Variants in GPR61 observed in about 807,000 individuals in gnomAD.
The protein encoded by GPR61 is G-protein coupled receptor 61.
A neutral mutation model predicts 29.2 loss-of-function variants in GPR61; 15 were observed. The observed-to-expected ratio is 0.51, with a 90% CI of 0.34 to 0.79. The LOEUF (loss-of-function observed/expected upper bound fraction) is 0.79, where lower values mean the gene tolerates loss of function less well. GPR61 is among the 30% of genes least tolerant of loss of function. The pLI, the probability that GPR61 is intolerant of heterozygous loss-of-function variation, is 0.01. For synonymous variants in GPR61, 238 were observed against 242.3 expected (o/e 0.98, Z 0.17); for missense variants, 399 against 582.5 (o/e 0.69, Z 3.24).
Position 109,545,237 on chromosome 1 carries a change from T to A in GPR61, c.*859T>A, listed in dbSNP as rs1459572263. Reference sequence around the variant, plus strand: ...GCGAGGGTGGAGGTTAGCATTTGAATTGGTAAAGTAGCTGGAAACAGAGAG... The same window carrying A: ...GCGAGGGTGGAGGTTAGCATTTGAAATGGTAAAGTAGCTGGAAACAGAGAG... On this transcript the variant is annotated 3_prime_UTR_variant, in exon 2 of 2. Transcript: ENST00000527748. The A allele has an allele frequency of 6.6e-6, 1 of 152,152 alleles. No homozygotes were observed. Among genetic ancestry groups the A allele is most frequent in the Non-Finnish European group, 1.5e-5 (1 of 68,040 alleles). The allele number at this position is 152,152 out of a possible 1,614,324, so 9.4% of individuals were successfully genotyped here. A position where few individuals can be genotyped will look rare whatever the true frequency, so the allele number is the denominator to read the frequency against.
intron 1 of GPR61, 96 bp downstream of exon 1, chr1:109,540,049 C>A (rs961683980): frequency 1.3e-5 from 2 of 152,322 alleles, no homozygotes; most frequent in African/African-American, 4.8e-5. Context: ...TTCCAAGGAC[C>A]AGCCCTGCCT....
chr1:109,542,129 C>A (rs1647660493), intron 1 of GPR61, among the ~76,000 whole-genome samples: 1 of 152,200 alleles, frequency 6.6e-6, no homozygotes, highest in Non-Finnish European at 1.5e-5. Context: ...GCCAGACTGC[C>A]CAGGTAGGTG....
chr1:109,543,792 A>T lies in GPR61; in HGVS notation c.770A>T (p.Glu257Val). ...TWMETPRQRS[E>V]SLSSRSTMVT... ...ATGGAGACACCCCGGCAACGCTCCGAATCTCTCAGCAGCCGCTCCACGATG... is the reference window on the plus strand; with the variant it reads ...ATGGAGACACCCCGGCAACGCTCCGTATCTCTCAGCAGCCGCTCCACGATG... Residue 257 changes from glutamate (E) to valine (V), a missense_variant, in exon 2 of 2, where the codon GAA becomes GTA. Physicochemically the swap from Glu to Val is moderately radical, Grantham distance 121. Around this residue, in one of 3 missense-constraint regions of GPR61, gnomAD observed 320 missense variants for 459.8 expected, o/e 0.70. Coordinates refer to ENST00000527748, the MANE Select transcript of GPR61 (RefSeq NM_001393907.1). This position sits in a 1 kb window ranked among gnomAD's most constrained non-coding sequence, Gnocchi z 6.8. The T allele has an allele frequency of 6.2e-7, 1 of 1,613,444 alleles. No individual in the cohort carries two copies. The highest frequency in any genetic ancestry group is 8.5e-7 in the Non-Finnish European group (1 of 1,180,016).
Position 109,547,143 on chromosome 1 carries a change from A to C in GPR61, c.*2765A>C, listed in dbSNP as rs1647829303. The C allele has an allele frequency of 6.6e-6, 1 of 152,240 alleles. No individual in the cohort carries two copies. Among genetic ancestry groups the C allele is most frequent in the Non-Finnish European group, 1.5e-5 (1 of 68,046 alleles). The allele number at this position is 152,240 out of a possible 1,614,324, so 9.4% of individuals were successfully genotyped here. A position where few individuals can be genotyped will look rare whatever the true frequency, so the allele number is the denominator to read the frequency against. ...CTCTGAGCCTACTTCCTCACCTGTA[A>C]AAATGGGGATCATTATTACCTACCT... On this transcript the variant is annotated 3_prime_UTR_variant, in exon 2 of 2. Coordinates refer to ENST00000527748, the MANE Select transcript of GPR61 (RefSeq NM_001393907.1).
rs965572138 is a variant in GPR61 at position 109,546,819 on chromosome 1, T to G, written c.*2441T>G. The stretch of plus-strand genomic sequence containing the variant: ...CTATGACCACCTTCCAGGAGTTTTC[T>G]AGTCACCAGATGCCTTGGTAAAGTT... On this transcript the variant is annotated 3_prime_UTR_variant, in exon 2 of 2. Coordinates refer to ENST00000527748, the MANE Select transcript of GPR61 (RefSeq NM_001393907.1). 5 of 152,226 alleles carry G rather than the reference T, an allele frequency of 3.3e-5. No individual in the cohort carries two copies. Among genetic ancestry groups the G allele is most frequent in the Non-Finnish European group, 7.3e-5 (5 of 68,034 alleles). 9.4% of individuals were successfully genotyped at this position (152,226 alleles called of 1,614,324 possible).
rs761137232 is a variant in GPR61, at chr1:109,543,313, C to T, written c.291C>T (p.Ala97=). The change falls in exon 2 of 2, where the codon GCC becomes GCT. Residue 97 remains alanine (A), a synonymous_variant. Transcript: ENST00000527748. This position sits in a 1 kb window ranked among gnomAD's most constrained non-coding sequence, Gnocchi z 6.8. ...CTGCCCTGACCCTCATGCCCCTGGC[C>T]ATGCTCTCCAGCTCTGCCCTCTTTG... ...LLAALTLMPL[A]MLSSSALFDH... is the part of the protein sequence containing the mutation. The T allele has an allele frequency of 2.2e-5, 35 of 1,613,898 alleles. No individual in the cohort carries two copies. Among genetic ancestry groups the T allele is most frequent in the Non-Finnish European group, 2.9e-5 (34 of 1,180,022 alleles).
In GPR61 at chr1:109,542,940, G is replaced by A. The variant is rs764600214; in HGVS notation, c.-83G>A. On this transcript the variant is annotated 5_prime_UTR_variant, in exon 2 of 2. Transcript: ENST00000527748. ...CTACGAAACCAGGAAGCCTGGGCCT[G>A]GGCTCGCCATCCCAGGGTCGCTGGA... 5.2e-6 allele frequency: 8 copies of A among 1,541,744 alleles called. No individual in the cohort carries two copies. Among genetic ancestry groups the A allele is most frequent in the Admixed American group, 2.0e-5 (1 of 51,246 alleles).
In GPR61 at chr1:109,544,437, AC is replaced by A. The variant is rs753147680; in HGVS notation, c.*61del. ...GGGGCCAGTTATGATTGCAAGGACC[AC>A]CTTGTGGGATCACCTTTTCCCAGCT... On this transcript the variant is annotated 3_prime_UTR_variant, in exon 2 of 2. Coordinates refer to ENST00000527748, the MANE Select transcript of GPR61 (RefSeq NM_001393907.1). This position sits in a 1 kb window ranked among gnomAD's most constrained non-coding sequence, Gnocchi z 4.6. 2 of 1,278,954 alleles carry A rather than the reference AC, an allele frequency of 1.6e-6. No individual in the cohort carries two copies. The highest frequency in any genetic ancestry group is 2.2e-6 in the Non-Finnish European group (2 of 902,870). The allele number at this position is 1,278,954 out of a possible 1,614,324, so 79.2% of individuals were successfully genotyped here.
In GPR61 at chr1:109,544,575, C is replaced by G. The variant is rs1266795252; in HGVS notation, c.*197C>G. On this transcript the variant is annotated 3_prime_UTR_variant, in exon 2 of 2. Coordinates refer to ENST00000527748, the MANE Select transcript of GPR61 (RefSeq NM_001393907.1). The surrounding 1 kb of genome is among the most constrained non-coding windows in gnomAD (Gnocchi z 4.6). ...CAAAAGCCTTGGACTTGGCTGTGAT[C>G]TTTGACTGCTAGGGGAGGGAACCTG... 7 of 561,172 alleles carry G rather than the reference C, an allele frequency of 1.2e-5. No homozygotes were observed. The highest frequency in any genetic ancestry group is 4.8e-4 in the Middle Eastern group (1 of 2,090). The allele number at this position is 561,172 out of a possible 1,614,324, so 34.8% of individuals were successfully genotyped here. A position where few individuals can be genotyped will look rare whatever the true frequency, so the allele number is the denominator to read the frequency against.
chr1:109,543,938 T>C lies in GPR61; in HGVS notation c.916T>C (p.Phe306Leu), dbSNP rs1647721614. 6.2e-7 allele frequency: 1 copy of C among 1,614,082 alleles called. No individual in the cohort carries two copies. Among genetic ancestry groups the C allele is most frequent in the Non-Finnish European group, 8.5e-7 (1 of 1,180,046 alleles). ...GCTCTGTTGGTTGCCCTACTTCTCT[T>C]TCCACCTCTATGTTGCCCTGAGTGC... ...FLLCWLPYFS[F>L]HLYVALSAQP... The change falls in exon 2 of 2, where the codon TTC becomes CTC. Residue 306 changes from phenylalanine to leucine, a missense_variant. This residue lies in a region of GPR61 where 320 missense variants were observed against 459.8 expected (regional missense o/e 0.70). Transcript: ENST00000527748. This position sits in a 1 kb window ranked among gnomAD's most constrained non-coding sequence, Gnocchi z 6.8.
rs781711769 is a variant in GPR61 at position 109,543,592 on chromosome 1, T to C, written c.570T>C (p.Ser190=). The C allele has an allele frequency of 4.6e-5, 74 of 1,614,014 alleles. No homozygotes were observed. Among genetic ancestry groups the C allele is most frequent in the Non-Finnish European group, 6.1e-5 (72 of 1,180,018 alleles). ...GRVSWEEGAP[S]VPPGCSLQWS... The stretch of plus-strand genomic sequence containing the variant: ...TCTCCTGGGAGGAAGGAGCTCCCAG[T>C]GTCCCCCCAGGCTGTTCACTCCAGT... Residue 190 remains serine (S), a synonymous_variant, in exon 2 of 2, where the codon AGT becomes AGC. Transcript: ENST00000527748. The surrounding 1 kb of genome is among the most constrained non-coding windows in gnomAD (Gnocchi z 6.8).
intron 1 of GPR61, among the ~76,000 whole-genome samples, chr1:109,541,401 T>C (rs377455813): frequency 1.3e-5 from 2 of 152,360 alleles, no homozygotes; most frequent in East Asian, 1.9e-4. Flanking sequence ...AATTTGAGTT[T>C]GATTCAATTC....
rs41279738 is a variant in GPR61 at position 109,539,929 on chromosome 1, T to A, written c.-626T>A. On this transcript the variant is annotated 5_prime_UTR_variant, in exon 1 of 2. It removes an upstream start codon present in the reference 5' UTR. Transcript: ENST00000527748. ...GCATCAGCTGAGAGGAGCTATCACA[T>A]GGGAGCCGGGACTGCTCAGCAAAGG... The A allele has an allele frequency of 1.3e-5, 2 of 152,204 alleles. No individual in the cohort carries two copies. The highest frequency in any genetic ancestry group is 1.3e-4 in the Admixed American group (2 of 15,280). 9.4% of individuals were successfully genotyped at this position (152,204 alleles called of 1,614,324 possible).
At position 109,543,253 on chromosome 1, in the gene GPR61, C is replaced by T. The variant is rs769522752; in HGVS notation, c.231C>T (p.Val77=). 2.5e-6 allele frequency: 4 copies of T among 1,614,188 alleles called. No homozygotes were observed. The East Asian group carries it at 8.9e-5, about 36-fold the overall frequency. ...IAKTPALRKF[V]FVFHLCLVDL... ...AGACGCCTGCCCTCCGAAAATTTGT[C>T]TTCGTCTTCCACCTCTGCCTGGTGG... is the stretch of plus-strand genomic sequence containing the variant. The change falls in exon 2 of 2, where the codon GTC becomes GTT. Residue 77 remains valine, a synonymous_variant. Transcript: ENST00000527748. This position sits in a 1 kb window ranked among gnomAD's most constrained non-coding sequence, Gnocchi z 6.8.
At position 109,544,212 on chromosome 1, in the gene GPR61, C is replaced by A. The variant is rs1443906470; in HGVS notation, c.1190C>A (p.Ser397Tyr). ...GGCTGTCCTTCTGAGTCCTGGGTTTCCCGACCCCTACCCAGCCCCAAGCAG... is the reference window on the plus strand; with the variant it reads ...GGCTGTCCTTCTGAGTCCTGGGTTTACCGACCCCTACCCAGCCCCAAGCAG... ...GTGCPSESWV[S>Y]RPLPSPKQEP... The change falls in exon 2 of 2, where the codon TCC becomes TAC. Residue 397 changes from serine to tyrosine, a missense_variant. Ser to Tyr is a moderately radical substitution (Grantham distance 144, BLOSUM62 -2). Around this residue, in one of 3 missense-constraint regions of GPR61, gnomAD observed 320 missense variants for 459.8 expected, o/e 0.70. Transcript: ENST00000527748. This position sits in a 1 kb window ranked among gnomAD's most constrained non-coding sequence, Gnocchi z 4.6. 1 of 1,614,078 alleles carries A rather than the reference C, an allele frequency of 6.2e-7. No individual in the cohort carries two copies. Among genetic ancestry groups the A allele is most frequent in the Middle Eastern group, 1.6e-4 (1 of 6,062 alleles).
At chr1:109,542,292 T>G (rs1197979206) in intron 1 of GPR61, 130 bp from the exon 2 acceptor site, 4 of 204,832 alleles carry the variant, frequency 2.0e-5, no homozygotes, top group African/African-American at 9.0e-5. Context: ...GGTAGAGTGC[T>G]GAGAACAGGG....
chr1:109,540,706 G>T (rs1402647215), intron 1 of GPR61, among the ~76,000 whole-genome samples: 2 of 152,142 alleles, frequency 1.3e-5, no homozygotes, highest in South Asian at 2.1e-4. Flanking sequence ...TTACACCACA[G>T]CCCTCCCCTC....
Position 109,542,894 on chromosome 1 carries a change from G to A in GPR61, c.-129G>A. The stretch of plus-strand genomic sequence containing the variant: ...TGTACGCAGACAAACCTGCCCAAGA[G>A]GCTCCAGTGGGAGGTGCCCCCTACG... On this transcript the variant is annotated 5_prime_UTR_variant, in exon 2 of 2. Transcript: ENST00000527748. The A allele has an allele frequency of 7.6e-7, 1 of 1,313,348 alleles. No homozygotes were observed. Among genetic ancestry groups the A allele is most frequent in the Non-Finnish European group, 1.1e-6 (1 of 935,008 alleles). 81.4% of individuals were successfully genotyped at this position (1,313,348 alleles called of 1,614,324 possible).
chr1:109,540,793 T>A (rs1647616697), intron 1 of GPR61, among the ~76,000 whole-genome samples: 2 of 152,204 alleles, frequency 1.3e-5, no homozygotes, highest in South Asian at 4.1e-4. Context: ...TAAATTGGAA[T>A]CCTGGCATTT....
Sources: gnomAD v4.1 joint callset for allele counts (sites outside exome capture counted in the v4.1 genomes callset) on GRCh38, gnomAD v4.1.1 for gene constraint, gnomAD v4.1.1 regional missense constraint, Gnocchi (gnomAD v3.1) non-coding constraint, MANE v1.5 for transcripts, NCBI Gene and HGNC (gene_info 2026-07-23, HGNC 2026-07-21) for gene names.